Variants in IFT80 observed in about 807,000 individuals in gnomAD.
IFT80 encodes the protein intraflagellar transport protein 80 homolog.
IFT80 carries 79 observed loss-of-function variants against 107.9 expected under a neutral mutation model. The observed-to-expected ratio is 0.73, with a 90% CI of 0.61 to 0.88. The LOEUF (loss-of-function observed/expected upper bound fraction) is 0.88, where lower values mean the gene tolerates loss of function less well. Ranked by LOEUF, IFT80 falls within the 40% of genes least tolerant of loss-of-function variation. IFT80 has a pLI of 0.00. For synonymous variants in IFT80, 299 were observed against 300.9 expected (o/e 0.99, Z 0.07); for missense variants, 797 against 914.2 (o/e 0.87, Z 1.65).
chr3:160,279,069 T>C (rs1006213931), intron 16 of IFT80, 124 bp downstream of exon 16: 26 of 727,122 alleles, frequency 3.6e-5, no homozygotes, highest in Non-Finnish European at 5.4e-5. Context: ...TCTTTACTTA[T>C]AAAAAAAGAC....
chr3:160,378,499 T>A (rs915867752), intron 3 of IFT80, among the ~76,000 whole-genome samples: 1 of 152,104 alleles, frequency 6.6e-6, no homozygotes. Context: ...CTTGTTTTTT[T>A]AAATACCATC....
At chr3:160,382,398 T>C (rs1323024605) in intron 2 of IFT80, among the ~76,000 whole-genome samples, 2 of 152,160 alleles carry the variant, frequency 1.3e-5, no homozygotes, top group African/African-American at 4.8e-5. Flanking sequence ...AATAATTCAA[T>C]TATAATTTAC....
In IFT80 at chr3:160,275,794, AT is replaced by A. The variant is rs531498120; in HGVS notation, c.2099+1511del. On this transcript the variant is annotated intron_variant, in intron 18 of 19. Transcript: ENST00000326448. The stretch of plus-strand genomic sequence containing the variant: ...CTCTATTAGCTGGGTAATGATACAT[AT>A]AATTTTCTATAAGTTATTTAACATA... Among the ~76,000 whole-genome samples the A allele has an allele frequency of 3.3e-3, 507 of 152,324 alleles. 1 individual carries two copies. Among genetic ancestry groups the A allele is most frequent in the African/African-American group, 0.012 (485 of 41,572 alleles).
At chr3:160,346,057 T>TA (rs1720270500) in intron 8 of IFT80, among the ~76,000 whole-genome samples, 1 of 152,014 alleles carries the variant, frequency 6.6e-6, no homozygotes, top group South Asian at 2.1e-4. Context: ...GTTAAATAAA[T>TA]AAAAAAATCA....
intron 6 of IFT80, among the ~76,000 whole-genome samples, chr3:160,363,912 A>C (rs972871701): frequency 6.6e-6 from 1 of 152,218 alleles, no homozygotes; most frequent in Non-Finnish European, 1.5e-5. Context: ...ATCCTAGAAG[A>C]AAATCTAGGC....
At chr3:160,357,427 A>G in intron 7 of IFT80, 62 bp downstream of exon 7, 1 of 882,618 alleles carries the variant, frequency 1.1e-6, no homozygotes, top group Non-Finnish European at 1.9e-6. Context: ...GAATATTCTT[A>G]TATGCTAAGT....
chr3:160,389,374 C>T (rs953651651), intron 1 of IFT80, among the ~76,000 whole-genome samples: 2 of 151,830 alleles, frequency 1.3e-5, no homozygotes, highest in South Asian at 2.1e-4. Flanking sequence ...TACATGTGCA[C>T]AATGTGCAGG....
intron 2 of IFT80, 28 bp from the exon 3 acceptor site, chr3:160,381,752 C>T: frequency 6.4e-7 from 1 of 1,553,500 alleles, no homozygotes; most frequent in Middle Eastern, 2.3e-4. Flanking sequence ...AGACATAAAA[C>T]ATACAAAAGT....
intron 19 of IFT80, among the ~76,000 whole-genome samples, chr3:160,267,897 C>A (rs189794333): frequency 3.3e-5 from 5 of 152,264 alleles, no homozygotes; most frequent in East Asian, 3.9e-4. Context: ...GTAATAAAAT[C>A]TGAGATTCTG....
At chr3:160,294,012 C>T (rs1027947959) in intron 12 of IFT80, among the ~76,000 whole-genome samples, 4 of 152,102 alleles carry the variant, frequency 2.6e-5, no homozygotes, top group South Asian at 2.1e-4. Context: ...CCGAGGTCTA[C>T]CCTTTTTAAT....
intron 6 of IFT80, among the ~76,000 whole-genome samples, chr3:160,364,687 T>A (rs958884416): frequency 2.6e-5 from 4 of 152,058 alleles, no homozygotes; most frequent in Non-Finnish European, 4.4e-5. Flanking sequence ...ACAGGATGAG[T>A]TCATGTCCTT....
intron 3 of IFT80, chr3:160,377,935 G>C (rs1712156395): frequency 6.4e-6 from 1 of 155,074 alleles, no homozygotes; most frequent in African/African-American, 2.4e-5. Context: ...TATATTACTA[G>C]ACTTAATAAT....
At chr3:160,270,841 C>T (rs1014528744) in intron 18 of IFT80, among the ~76,000 whole-genome samples, 1 of 152,068 alleles carries the variant, frequency 6.6e-6, no homozygotes, top group African/African-American at 2.4e-5. Flanking sequence ...ATCTCCCATT[C>T]TTTCTTTATG....
intron 6 of IFT80, among the ~76,000 whole-genome samples, chr3:160,363,754 G>C (rs1721663519): frequency 1.3e-5 from 2 of 152,102 alleles, no homozygotes; most frequent in African/African-American, 4.8e-5. Flanking sequence ...ACAAGAAATG[G>C]GGAAAGGATT....
chr3:160,391,946 G>A (rs1427663027), intron 1 of IFT80, among the ~76,000 whole-genome samples: 5 of 152,218 alleles, frequency 3.3e-5, no homozygotes, highest in Admixed American at 6.5e-5. Flanking sequence ...GAGGTAAACA[G>A]GGATGTAAGG....
intron 1 of IFT80, among the ~76,000 whole-genome samples, chr3:160,392,593 C>T (rs1713470127): frequency 6.6e-6 from 1 of 152,172 alleles, no homozygotes; most frequent in East Asian, 1.9e-4. Context: ...ATACCAAATC[C>T]AACTTGTAAA....
At chr3:160,353,288 T>C (rs539461534) in intron 8 of IFT80, among the ~76,000 whole-genome samples, 2 of 152,078 alleles carry the variant, frequency 1.3e-5, no homozygotes, top group South Asian at 2.1e-4. Context: ...TCAAAGAAAA[T>C]CTTATATTAG....
chr3:160,297,068 C>T (rs1353235560), intron 12 of IFT80, among the ~76,000 whole-genome samples: 1 of 152,036 alleles, frequency 6.6e-6, no homozygotes, highest in African/African-American at 2.4e-5. Flanking sequence ...TCTCTATTTC[C>T]AGCCTCAACC....
At chr3:160,359,647 A>AGCAATATTTGCTGTTCT (rs1559959987) in intron 6 of IFT80, among the ~76,000 whole-genome samples, 1 of 152,216 alleles carries the variant, frequency 6.6e-6, no homozygotes, top group African/African-American at 2.4e-5. Context: ...AGGATCAGGC[A>AGCAATATTTGCTGTTCT]GCAATATTTG....
Sources: gnomAD v4.1 joint callset for allele counts (sites outside exome capture counted in the v4.1 genomes callset) on GRCh38, gnomAD v4.1.1 for gene constraint, MANE v1.5 for transcripts, NCBI Gene and HGNC (gene_info 2026-07-23, HGNC 2026-07-21) for gene names.